SLC36A4: variants seen among roughly 807,000 people sequenced by gnomAD.
The protein encoded by SLC36A4 is neutral amino acid uniporter 4.
A neutral mutation model predicts 50.5 loss-of-function variants in SLC36A4; 49 were observed. The ratio of observed to expected loss-of-function variants is 0.97; its 90% CI spans 0.77 to 1.23. The LOEUF (loss-of-function observed/expected upper bound fraction) is 1.23. Ranked by LOEUF, SLC36A4 falls within the 50% of genes most tolerant of loss-of-function variation. The probability of loss-of-function intolerance (pLI) is 0.00; values close to 1 mark genes in which losing one functional copy is unlikely to be tolerated. For synonymous variants in SLC36A4, 207 were observed against 206.5 expected (o/e 1.00, Z -0.02); for missense variants, 611 against 608.4 (o/e 1.00, Z -0.05).
chr11:93,145,516 T>C lies in SLC36A4; in HGVS notation c.*3021A>G, dbSNP rs569904404. On this transcript the variant is annotated 3_prime_UTR_variant, in exon 11 of 11. Coordinates refer to ENST00000326402, the MANE Select transcript of SLC36A4 (RefSeq NM_152313.4). The stretch of plus-strand genomic sequence containing the variant: ...TCTGAAAAAAACGTCTGAGAACCAG[T>C]GTTTTGACAAGTTGACTCTGATACT... 1 of 152,056 alleles carries C rather than the reference T, an allele frequency of 6.6e-6. No individual in the cohort carries two copies. The highest frequency in any genetic ancestry group is 1.5e-5 in the Non-Finnish European group (1 of 67,998). The allele number at this position is 152,056 out of a possible 1,614,324, so 9.4% of individuals were successfully genotyped here. A position where few individuals can be genotyped will look rare whatever the true frequency, so the allele number is the denominator to read the frequency against.
intron 1 of SLC36A4, among the ~76,000 whole-genome samples, chr11:93,195,738 A>G (rs1862392431): frequency 6.6e-6 from 1 of 152,064 alleles, no homozygotes; most frequent in African/African-American, 2.4e-5. Context: ...CCTCCTTGCT[A>G]TTCCTTTAGT....
At chr11:93,163,775 CATGTATGTATGT>C (rs71305387) in intron 8 of SLC36A4, among the ~76,000 whole-genome samples, 1 of 150,372 alleles carries the variant, frequency 6.7e-6, no homozygotes, top group Non-Finnish European at 1.5e-5. Context: ...CTAGGATTCT[CATGTATGTATGT>C]ATGTATGTAT....
At chr11:93,158,638 G>A (rs1860474072) in intron 9 of SLC36A4, among the ~76,000 whole-genome samples, 2 of 151,938 alleles carry the variant, frequency 1.3e-5, no homozygotes, top group Non-Finnish European at 2.9e-5. Flanking sequence ...CTCCTTTTCT[G>A]TTTCAAGAAC....
chr11:93,177,573 G>A (rs753504215), intron 6 of SLC36A4, among the ~76,000 whole-genome samples: 8 of 152,086 alleles, frequency 5.3e-5, no homozygotes, highest in Admixed American at 2.0e-4. Context: ...CTTTCTGTTC[G>A]TTAGTTTTTC....
intron 6 of SLC36A4, among the ~76,000 whole-genome samples, chr11:93,177,428 C>T (rs548342972): frequency 2.0e-4 from 30 of 152,222 alleles, no homozygotes; most frequent in African/African-American, 6.5e-4. Flanking sequence ...TTGTTACTAC[C>T]GATCGTCTGA....
intron 8 of SLC36A4, 99 bp from the exon 9 acceptor site, chr11:93,162,974 C>T (rs1860699679): frequency 1.9e-6 from 2 of 1,058,170 alleles, no homozygotes; most frequent in Non-Finnish European, 2.7e-6. Context: ...AGCCTATATG[C>T]AAATTTTTTT....
At position 93,146,445 on chromosome 11, in the gene SLC36A4, A is replaced by G. The variant is rs567043710; in HGVS notation, c.*2092T>C. 6.6e-5 allele frequency: 10 copies of G among 152,122 alleles called. No homozygotes were observed. The highest frequency in any genetic ancestry group is 1.3e-4 in the Non-Finnish European group (9 of 67,928). The allele number at this position is 152,122 out of a possible 1,614,324, so 9.4% of individuals were successfully genotyped here. On this transcript the variant is annotated 3_prime_UTR_variant, in exon 11 of 11. Transcript: ENST00000326402. ...ATAACTTCTTCTGCATTCTCTTAGT[A>G]TGACTAAAGGCTCAGTGTAACAGAA...
intron 10 of SLC36A4, among the ~76,000 whole-genome samples, chr11:93,151,761 G>C (rs1164247342): frequency 6.6e-6 from 1 of 152,048 alleles, no homozygotes; most frequent in Non-Finnish European, 1.5e-5. Context: ...AAATTAGAGA[G>C]TAACAGAAGT....
At chr11:93,176,466 T>C (rs1047224086) in intron 6 of SLC36A4, among the ~76,000 whole-genome samples, 1 of 152,086 alleles carries the variant, frequency 6.6e-6, no homozygotes, top group African/African-American at 2.4e-5. Flanking sequence ...TTAATATTGT[T>C]ATGTGTGAAT....
rs775437488 is a variant in SLC36A4 at position 93,172,444 on chromosome 11, TC to T, written c.541-4274del. Among the ~76,000 whole-genome samples the T allele has an allele frequency of 2.4e-3, 363 of 151,226 alleles. 4 individuals are homozygous for T. The highest frequency in any genetic ancestry group is 8.5e-3 in the African/African-American group (350 of 41,264). ...AAGTCCCCAAAGTCCACTGTATCAT[TC>T]TTTTTTTTTTTTAATTATACTTTAA... On this transcript the variant is annotated intron_variant, in intron 6 of 10. Coordinates refer to ENST00000326402, the MANE Select transcript of SLC36A4 (RefSeq NM_152313.4).
At chr11:93,151,649 A>G (rs1860091707) in intron 10 of SLC36A4, among the ~76,000 whole-genome samples, 1 of 152,090 alleles carries the variant, frequency 6.6e-6, no homozygotes, top group Admixed American at 6.6e-5. Flanking sequence ...TTCTCTACAA[A>G]CTACTAAAGA....
Position 93,162,876 on chromosome 11 carries a change from C to A in SLC36A4, c.868-1G>T, listed in dbSNP as rs746875716. On this transcript the variant is annotated splice_acceptor_variant, in intron 8 of 10. Coordinates refer to ENST00000326402, the MANE Select transcript of SLC36A4 (RefSeq NM_152313.4). LOFTEE classifies it high-confidence loss of function. ...TCATTTGGTTTTCCAGTGGAAGGAC[C>A]TAAGAAAAGAATACAATACTTTTTT... 3 of 1,610,596 alleles carry A rather than the reference C, an allele frequency of 1.9e-6. No individual in the cohort carries two copies. Among genetic ancestry groups the A allele is most frequent in the Non-Finnish European group, 2.5e-6 (3 of 1,178,740 alleles).
intron 7 of SLC36A4, 166 bp from the exon 8 acceptor site, chr11:93,166,182 C>T: frequency 7.6e-7 from 1 of 1,318,148 alleles, no homozygotes; most frequent in Non-Finnish European, 9.8e-7. Flanking sequence ...TTAAATGTAG[C>T]CAAGCTGTTA....
intron 6 of SLC36A4, chr11:93,179,926 C>T (rs1185222153): frequency 4.1e-6 from 1 of 242,442 alleles, no homozygotes; most frequent in Non-Finnish European, 6.6e-6. Flanking sequence ...AACAGTTTGC[C>T]AATTCTCAGT....
intron 7 of SLC36A4, chr11:93,167,033 C>T: frequency 6.6e-6 from 1 of 152,188 alleles, no homozygotes; most frequent in Non-Finnish European, 1.5e-5. Context: ...TTCTGCTTAA[C>T]TGACTCTTAC....
At chr11:93,193,204 A>T (rs1480636418) in intron 1 of SLC36A4, among the ~76,000 whole-genome samples, 1 of 152,186 alleles carries the variant, frequency 6.6e-6, no homozygotes. Context: ...GAGTATGCAA[A>T]GATGGGCAAA....
intron 10 of SLC36A4, among the ~76,000 whole-genome samples, chr11:93,149,653 C>T (rs1165483441): frequency 1.3e-5 from 2 of 152,010 alleles, no homozygotes; most frequent in South Asian, 2.1e-4. Context: ...ACTGACATTT[C>T]GAAAGTGTGA....
intron 6 of SLC36A4, among the ~76,000 whole-genome samples, chr11:93,168,891 G>A (rs1861005007): frequency 6.6e-6 from 1 of 151,886 alleles, no homozygotes; most frequent in Non-Finnish European, 1.5e-5. Context: ...ATGATTTACA[G>A]TCTCCATATA....
At chr11:93,189,268 T>C (rs1480646738) in intron 1 of SLC36A4, among the ~76,000 whole-genome samples, 1 of 152,234 alleles carries the variant, frequency 6.6e-6, no homozygotes, top group Middle Eastern at 3.4e-3. Flanking sequence ...TTCACCATGT[T>C]GGTCATGCTG....
Sources: gnomAD v4.1 joint callset for allele counts (sites outside exome capture counted in the v4.1 genomes callset) on GRCh38, gnomAD v4.1.1 for gene constraint, MANE v1.5 for transcripts, NCBI Gene and HGNC (gene_info 2026-07-23, HGNC 2026-07-21) for gene names.